The following EPHA6 variants were observed in gnomAD, a reference collection of about 807,000 sequenced individuals.
EPHA6 encodes EPH receptor A6.
EPHA6 carries 50 observed loss-of-function variants against 112.0 expected under a neutral mutation model. The ratio of observed to expected loss-of-function variants is 0.45; its 90% CI spans 0.36 to 0.56. EPHA6 has a LOEUF of 0.56. EPHA6 is among the 20% of genes least tolerant of loss of function. The probability of loss-of-function intolerance (pLI) is 0.00; values close to 1 mark genes in which losing one functional copy is unlikely to be tolerated. For missense variants in EPHA6, 1,280 were observed against 1,417.4 expected, an observed-to-expected ratio of 0.90 and a Z score of 1.56; for synonymous variants, 529 against 490.7, an observed-to-expected ratio of 1.08 and a Z score of -1.03.
intron 5 of EPHA6, among the ~76,000 whole-genome samples, chr3:97,319,681 C>CA (rs933432322): frequency 1.5e-5 from 2 of 132,746 alleles, no homozygotes; most frequent in Admixed American, 7.5e-5. Flanking sequence ...AAAAAAAAAA[C>CA]AAAAAACAAA....
At chr3:97,146,127 A>G (rs889375598) in intron 3 of EPHA6, among the ~76,000 whole-genome samples, 2 of 151,834 alleles carry the variant, frequency 1.3e-5, no homozygotes, top group Non-Finnish European at 2.9e-5. Flanking sequence ...TACTAATTTT[A>G]ACTGACTTCT....
At chr3:97,127,753 T>C (rs561353306) in intron 3 of EPHA6, among the ~76,000 whole-genome samples, 21 of 151,790 alleles carry the variant, frequency 1.4e-4, no homozygotes, top group African/African-American at 5.1e-4. Context: ...CTGCTTCTCC[T>C]GTTTTCTCAA....
intron 2 of EPHA6, among the ~76,000 whole-genome samples, chr3:96,916,808 T>TAATC (rs1398017335): frequency 6.6e-6 from 1 of 152,150 alleles, no homozygotes; most frequent in Non-Finnish European, 1.5e-5. Context: ...AAATACTAGT[T>TAATC]AATCAGGAAA....
intron 3 of EPHA6, among the ~76,000 whole-genome samples, chr3:96,993,384 C>T (rs1407046397): frequency 6.6e-6 from 1 of 151,808 alleles, no homozygotes; most frequent in African/African-American, 2.4e-5. Context: ...GCAACTTCCG[C>T]CTCCTGGGTT....
At chr3:96,969,686 G>C (rs1443869334) in intron 2 of EPHA6, among the ~76,000 whole-genome samples, 5 of 151,850 alleles carry the variant, frequency 3.3e-5, no homozygotes, top group Admixed American at 1.3e-4. Context: ...CCAGATTTCT[G>C]TGTGAAGATT....
intron 3 of EPHA6, among the ~76,000 whole-genome samples, chr3:97,123,513 T>G (rs570091021): frequency 6.6e-6 from 1 of 152,220 alleles, no homozygotes; most frequent in African/African-American, 2.4e-5. Flanking sequence ...GCATAGAAAC[T>G]TTGGCAATAC....
intron 7 of EPHA6, among the ~76,000 whole-genome samples, chr3:97,458,107 TCATG>T: frequency 6.7e-6 from 1 of 148,444 alleles, no homozygotes; most frequent in African/African-American, 2.5e-5. Flanking sequence ...GCTTAAGTAT[TCATG>T]TTACACTTTA....
chr3:97,375,339 G>T (rs925253817), intron 5 of EPHA6, among the ~76,000 whole-genome samples: 2 of 152,062 alleles, frequency 1.3e-5, no homozygotes, highest in Admixed American at 1.3e-4. Context: ...CCAGGAAGAA[G>T]AATTTCATAA....
chr3:97,521,471 CCTT>C (rs1288294196), intron 10 of EPHA6, among the ~76,000 whole-genome samples: 2 of 152,088 alleles, frequency 1.3e-5, no homozygotes, highest in South Asian at 2.1e-4. Flanking sequence ...GTAAATATGT[CCTT>C]CTTCTCAAGG....
chr3:96,951,521 A>G (rs544512758), intron 2 of EPHA6, among the ~76,000 whole-genome samples: 14 of 152,148 alleles, frequency 9.2e-5, no homozygotes, highest in African/African-American at 3.1e-4. Flanking sequence ...TCTATAAATC[A>G]TCATCATCAT....
At chr3:96,999,869 A>G (rs1485361465) in intron 3 of EPHA6, among the ~76,000 whole-genome samples, 1 of 151,904 alleles carries the variant, frequency 6.6e-6, no homozygotes, top group Non-Finnish European at 1.5e-5. Flanking sequence ...GTGGAGTTGA[A>G]GGTCATTGAG....
chr3:97,174,531 C>T lies in EPHA6; in HGVS notation c.1115-51733C>T, dbSNP rs188603722. Among the ~76,000 whole-genome samples the T allele has an allele frequency of 5.8e-3, 877 of 151,944 alleles. 4 individuals are homozygous for T. The highest frequency in any genetic ancestry group is 0.014 in the Middle Eastern group (4 of 294). On this transcript the variant is annotated intron_variant, in intron 3 of 17. Coordinates refer to ENST00000389672, the MANE Select transcript of EPHA6 (RefSeq NM_001080448.3). ...ATTCCCACACAGTATGCAAGGGTTC[C>T]CTTTTCTCCACATCCTTGCCAACAT... is the stretch of plus-strand genomic sequence containing the variant.
intron 14 of EPHA6, among the ~76,000 whole-genome samples, chr3:97,694,129 G>A (rs1471172615): frequency 1.3e-5 from 2 of 152,098 alleles, no homozygotes; most frequent in Admixed American, 6.5e-5. Context: ...AGAAAACCTA[G>A]TTTCTAGTTC....
intron 5 of EPHA6, among the ~76,000 whole-genome samples, chr3:97,286,604 C>G (rs551627966): frequency 6.6e-6 from 1 of 151,070 alleles, no homozygotes; most frequent in African/African-American, 2.4e-5. Context: ...TGTGTTTGTC[C>G]TTACACCAAT....
At chr3:97,666,579 G>A (rs975440134) in intron 14 of EPHA6, among the ~76,000 whole-genome samples, 1 of 152,214 alleles carries the variant, frequency 6.6e-6, no homozygotes, top group Middle Eastern at 3.4e-3. Flanking sequence ...GCATTCTCCT[G>A]TGTGCATGTC....
chr3:97,126,867 G>A (rs2048195711), intron 3 of EPHA6, among the ~76,000 whole-genome samples: 1 of 144,288 alleles, frequency 6.9e-6, no homozygotes. Context: ...AAAGAAGATG[G>A]ACCAATGGAA....
intron 11 of EPHA6, 66 bp downstream of exon 11, chr3:97,532,609 A>T: frequency 7.6e-7 from 1 of 1,315,754 alleles, no homozygotes; most frequent in South Asian, 1.5e-5. Flanking sequence ...TAAGAAAAGG[A>T]AAAATCTTCA....
intron 3 of EPHA6, among the ~76,000 whole-genome samples, chr3:97,113,127 A>G (rs2047774278): frequency 6.6e-6 from 1 of 152,134 alleles, no homozygotes; most frequent in African/African-American, 2.4e-5. Context: ...TCCTGTAGAT[A>G]ATCATTTCCC....
chr3:96,923,126 A>G (rs1465776245), intron 2 of EPHA6, among the ~76,000 whole-genome samples: 2 of 152,098 alleles, frequency 1.3e-5, no homozygotes, highest in African/African-American at 4.8e-5. Flanking sequence ...TTTATAATAG[A>G]TTGACTTATA....
Sources: allele counts gnomAD v4.1 joint callset (sites outside exome capture counted in the v4.1 genomes callset), GRCh38; gene constraint gnomAD v4.1.1; transcripts MANE v1.5; gene names NCBI Gene and HGNC (gene_info 2026-07-23, HGNC 2026-07-21).